Variants in AGBL1 observed in about 807,000 individuals in gnomAD.
AGBL1 encodes AGBL carboxypeptidase 1.
In AGBL1, 130 loss-of-function variants were observed where a neutral mutation model predicts 118.9. The ratio of observed to expected loss-of-function variants is 1.09; its 90% CI spans 0.95 to 1.26. AGBL1 has a LOEUF of 1.26. Among genes scored for constraint, AGBL1 ranks in the 50% most tolerant of loss-of-function variants. The pLI, the probability that AGBL1 is intolerant of heterozygous loss-of-function variation, is 0.00. For synonymous variants in AGBL1, 555 were observed against 478.9 expected (o/e 1.16, Z -2.08); for missense variants, 1,584 against 1,298.1 (o/e 1.22, Z -3.38).
At chr15:87,007,753 G>T (rs910118403) in intron 24 of AGBL1, among the ~76,000 whole-genome samples, 2 of 152,334 alleles carry the variant, frequency 1.3e-5, no homozygotes, top group African/African-American at 2.4e-5. Context: ...TGGGAATGCT[G>T]ACTCTACAGA....
intron 16 of AGBL1, among the ~76,000 whole-genome samples, chr15:86,289,976 T>G (rs2079518248): frequency 6.6e-6 from 1 of 152,230 alleles, no homozygotes; most frequent in Non-Finnish European, 1.5e-5. Flanking sequence ...ATTGTTCTAG[T>G]GATATTCTAG....
intron 22 of AGBL1, among the ~76,000 whole-genome samples, chr15:86,757,741 G>A (rs566918313): frequency 3.9e-5 from 6 of 151,910 alleles, no homozygotes; most frequent in South Asian, 2.1e-4. Context: ...CTTTCCTCCC[G>A]CTGGTCCTCT....
chr15:86,443,083 C>T lies in AGBL1; in HGVS notation c.2555+45537C>T, dbSNP rs1400783427. Among the ~76,000 whole-genome samples the T allele has an allele frequency of 2.6e-5, 4 of 152,162 alleles. No homozygotes were observed. The East Asian group carries it at 7.7e-4, about 29-fold the overall frequency. On this transcript the variant is annotated intron_variant, in intron 18 of 22. Coordinates refer to ENST00000614907, the MANE Select transcript of AGBL1 (RefSeq NM_001386094.1). ...TGTCTGACAAGGAGAAACTGTTGTT[C>T]TCTTCTGTTGTTGCCCTCAGCTAGA...
At chr15:86,669,616 A>G (rs2085705819) in intron 21 of AGBL1, among the ~76,000 whole-genome samples, 1 of 152,332 alleles carries the variant, frequency 6.6e-6, no homozygotes, top group Admixed American at 6.5e-5. Context: ...CAGAAAATCC[A>G]AGATAAGGAG....
At chr15:86,080,882 A>C (rs1895228039) in intron 1 of AGBL1, among the ~76,000 whole-genome samples, 1 of 147,842 alleles carries the variant, frequency 6.8e-6, no homozygotes, top group South Asian at 2.2e-4. Context: ...CTTCTACCCC[A>C]GGAGTTTAAG....
At chr15:86,952,273 C>T (rs1381995536) in intron 23 of AGBL1, among the ~76,000 whole-genome samples, 4 of 151,624 alleles carry the variant, frequency 2.6e-5, no homozygotes, top group Non-Finnish European at 5.9e-5. Context: ...TTCTTTTAGT[C>T]AGTGTTAGTA....
chr15:86,683,748 C>T (rs1350981220), intron 22 of AGBL1, among the ~76,000 whole-genome samples: 1 of 152,182 alleles, frequency 6.6e-6, no homozygotes, highest in Non-Finnish European at 1.5e-5. Context: ...CAGCCCTTCC[C>T]AGCCCTTGTC....
chr15:86,444,798 C>G (rs1220865308), intron 18 of AGBL1, among the ~76,000 whole-genome samples: 3 of 152,046 alleles, frequency 2.0e-5, no homozygotes, highest in Admixed American at 6.5e-5. Flanking sequence ...ACTCCCCATG[C>G]CTTCACAGTC....
In AGBL1 at chr15:86,097,142, T is replaced by C. The variant is rs532089742; in HGVS notation, c.51+17119T>C. Among the ~76,000 whole-genome samples, 341 of 152,304 alleles carry C rather than the reference T, an allele frequency of 2.2e-3. 15 individuals carry two copies. The South Asian group carries it at 0.067, about 30-fold the overall frequency. ...GACTTCAGCTGTATTCTAAATGTTA[T>C]TGGGATTGCTATTCCTGATTCTTTT... is the stretch of plus-strand genomic sequence containing the variant. On this transcript the variant is annotated intron_variant, in intron 1 of 22. Coordinates refer to ENST00000614907, the MANE Select transcript of AGBL1 (RefSeq NM_001386094.1).
At chr15:86,144,451 G>A (rs747213518) in intron 3 of AGBL1, among the ~76,000 whole-genome samples, 4 of 152,140 alleles carry the variant, frequency 2.6e-5, no homozygotes, top group East Asian at 1.9e-4. Flanking sequence ...AGAAAATGTG[G>A]TACACATACA....
chr15:86,526,544 G>GTATATATATATATA (rs1555422465), intron 19 of AGBL1, among the ~76,000 whole-genome samples: 44 of 119,426 alleles, frequency 3.7e-4, no homozygotes, highest in African/African-American at 1.2e-3. Context: ...TTGTGTCTGT[G>GTATATATATATATA]TATATATATA....
In AGBL1 at chr15:86,279,710, C is replaced by T; in HGVS notation, c.2147C>T (p.Ala716Val). 6 of 1,613,482 alleles carry T rather than the reference C, an allele frequency of 3.7e-6. No homozygotes were observed. Among genetic ancestry groups the T allele is most frequent in the Non-Finnish European group, 5.1e-6 (6 of 1,179,456 alleles). ...AAGTGCTACTATACCCTCACCTTTGCTGTCACCTTCCCACACAGTGAGGAT... is the reference window on the plus strand; with the variant it reads ...AAGTGCTACTATACCCTCACCTTTGTTGTCACCTTCCCACACAGTGAGGAT... ...SGKCYYTLTFAVTFPHSEDVC... is the reference protein window; with the variant it reads ...SGKCYYTLTFVVTFPHSEDVC... The change falls in exon 16 of 23, where the codon GCT (alanine) becomes GTT (valine). Residue 716 changes from alanine (A) to valine (V), a missense_variant. Physicochemically the swap from Ala to Val is moderately conservative, Grantham distance 64. Transcript: ENST00000614907.
intron 18 of AGBL1, among the ~76,000 whole-genome samples, chr15:86,473,699 T>C (rs1432101608): frequency 6.6e-6 from 1 of 152,258 alleles, no homozygotes; most frequent in Non-Finnish European, 1.5e-5. Flanking sequence ...TTGATCTTAA[T>C]AATTTTTCCA....
intron 23 of AGBL1, among the ~76,000 whole-genome samples, chr15:86,969,670 T>A (rs1596688333): frequency 6.6e-6 from 1 of 152,120 alleles, no homozygotes; most frequent in East Asian, 1.9e-4. Flanking sequence ...GGTGTGGATA[T>A]AAGGGTAGAT....
At chr15:86,940,027 A>G (rs1031586912) in intron 23 of AGBL1, among the ~76,000 whole-genome samples, 1 of 141,706 alleles carries the variant, frequency 7.1e-6, no homozygotes, top group African/African-American at 2.6e-5. Flanking sequence ...AACTACAGGC[A>G]TGTGTCAACA....
At position 86,262,909 on chromosome 15, in the gene AGBL1, G is replaced by A; in HGVS notation, c.1086+15G>A. On this transcript the variant is annotated intron_variant, in intron 10 of 22. Transcript: ENST00000614907. ...ATAGCTTTGAGGTAGGACATATGCT[G>A]TGGTTCTGATCTTTGACGATGCATG... is the stretch of plus-strand genomic sequence containing the variant. 1 of 1,569,874 alleles carries A rather than the reference G, an allele frequency of 6.4e-7. No individual in the cohort carries two copies.
intron 18 of AGBL1, among the ~76,000 whole-genome samples, chr15:86,472,003 A>G (rs1308709025): frequency 6.6e-6 from 1 of 152,230 alleles, no homozygotes; most frequent in Non-Finnish European, 1.5e-5. Context: ...ACAAAGAAGA[A>G]GGTCATGTGA....
chr15:86,107,304 G>T (rs1897108836), intron 1 of AGBL1, among the ~76,000 whole-genome samples: 1 of 152,244 alleles, frequency 6.6e-6, no homozygotes, highest in African/African-American at 2.4e-5. Flanking sequence ...ATTTTCATAT[G>T]TAGTGGCCAG....
chr15:86,963,917 T>G (rs975753933), intron 23 of AGBL1, among the ~76,000 whole-genome samples: 1 of 151,770 alleles, frequency 6.6e-6, no homozygotes, highest in Non-Finnish European at 1.5e-5. Flanking sequence ...GAAAGAATTA[T>G]GAGCGATTCA....
Sources: allele counts gnomAD v4.1 joint callset (sites outside exome capture counted in the v4.1 genomes callset), GRCh38; gene constraint gnomAD v4.1.1; transcripts MANE v1.5; gene names NCBI Gene and HGNC (gene_info 2026-07-23, HGNC 2026-07-21).